NR3C2: variants seen among roughly 807,000 people sequenced by gnomAD.
The protein encoded by NR3C2 is mineralocorticoid receptor.
Under a neutral mutation model 86.4 loss-of-function variants are expected in NR3C2, and 15 were observed. The observed-to-expected ratio is 0.17, with a 90% CI of 0.12 to 0.27. The LOEUF is 0.27. Among genes scored for constraint, NR3C2 ranks in the 10% least tolerant of loss-of-function variants. The probability of loss-of-function intolerance (pLI) is 1.00; values close to 1 mark genes in which losing one functional copy is unlikely to be tolerated. For missense variants in NR3C2, 960 were observed against 1,195.6 expected (o/e 0.80, Z 2.91); for synonymous variants, 458 against 450.5 (o/e 1.02, Z -0.21).
chr4:148,386,121 T>G (rs1747251699), intron 2 of NR3C2, among the ~76,000 whole-genome samples: 1 of 151,926 alleles, frequency 6.6e-6, no homozygotes, highest in African/African-American at 2.4e-5. Context: ...AAATCCCTCC[T>G]CCTCCCAGCC....
At position 148,090,237 on chromosome 4, in the gene NR3C2, G is replaced by T. The variant is rs533039794; in HGVS notation, c.2800-8738C>A. Among the ~76,000 whole-genome samples, 4 of 152,342 alleles carry T rather than the reference G, an allele frequency of 2.6e-5. No individual in the cohort carries two copies. The South Asian group carries it at 8.3e-4, about 32-fold the overall frequency. ...TTTCTACTAAGCAGAAATACACACA[G>T]AAAGGCAGGTGCTGCTAGTGTGACG... On this transcript the variant is annotated intron_variant, in intron 8 of 8. Transcript: ENST00000358102.
chr4:148,222,038 A>C (rs1342440682), intron 3 of NR3C2, among the ~76,000 whole-genome samples: 1 of 152,138 alleles, frequency 6.6e-6, no homozygotes, highest in Non-Finnish European at 1.5e-5. Flanking sequence ...ATATGTAAAG[A>C]TCTTGTACCA....
intron 2 of NR3C2, among the ~76,000 whole-genome samples, chr4:148,385,452 T>C (rs72656885): frequency 0.022 from 3,422 of 152,338 alleles, 136 homozygotes; most frequent in African/African-American, 0.079. Flanking sequence ...TTATTCATTG[T>C]GACTCCTCTT....
At chr4:148,134,623 G>A (rs1281701852) in intron 6 of NR3C2, among the ~76,000 whole-genome samples, 3 of 126,686 alleles carry the variant, frequency 2.4e-5, no homozygotes, top group African/African-American at 8.6e-5. Context: ...AGCTCCCTGT[G>A]ATTCTCTCTC....
chr4:148,344,591 T>C (rs1476749506), intron 2 of NR3C2, among the ~76,000 whole-genome samples: 1 of 152,160 alleles, frequency 6.6e-6, no homozygotes, highest in Admixed American at 6.6e-5. Flanking sequence ...TAGCAGGAGC[T>C]GGAATACAGC....
At chr4:148,102,630 G>T (rs1731591145) in intron 8 of NR3C2, among the ~76,000 whole-genome samples, 1 of 151,974 alleles carries the variant, frequency 6.6e-6, no homozygotes. Context: ...CCCCAGCTTG[G>T]CTCTACCAGC....
chr4:148,243,942 A>C (rs377186175), intron 3 of NR3C2, among the ~76,000 whole-genome samples: 6 of 152,304 alleles, frequency 3.9e-5, no homozygotes, highest in African/African-American at 1.4e-4. Flanking sequence ...TGCAAGTGGT[A>C]CTATGTACAA....
intron 3 of NR3C2, 122 bp from the exon 4 acceptor site, chr4:148,194,984 A>G: frequency 2.6e-6 from 2 of 755,558 alleles, no homozygotes; most frequent in South Asian, 1.6e-5. Context: ...CAAAAAAGTA[A>G]AAGTACATGA....
At chr4:148,101,055 TGCAGG>T (rs1240856759) in intron 8 of NR3C2, among the ~76,000 whole-genome samples, 37 of 152,308 alleles carry the variant, frequency 2.4e-4, no homozygotes, top group African/African-American at 8.7e-4. Context: ...GTTTTAGTTT[TGCAGG>T]ACAAAGAGCT....
At chr4:148,275,170 C>T (rs1408587022) in intron 2 of NR3C2, among the ~76,000 whole-genome samples, 1 of 152,168 alleles carries the variant, frequency 6.6e-6, no homozygotes, top group African/African-American at 2.4e-5. Flanking sequence ...TTGCTTATGA[C>T]ACAGTTGCAA....
rs1452901410 is a variant in NR3C2, at chr4:148,141,527, T to C, written c.2510+10942A>G. 2.6e-5 allele frequency among the ~76,000 whole-genome samples: 4 copies of C among 152,256 alleles called. No individual in the cohort carries two copies. The East Asian group carries it at 5.8e-4, about 22-fold the overall frequency. The stretch of plus-strand genomic sequence containing the variant: ...GCATATTTTCTGTACTCTAGGTATT[T>C]ACAGTATATCTGGAGTAAAAAACAT... On this transcript the variant is annotated intron_variant, in intron 6 of 8. Coordinates refer to ENST00000358102, the MANE Select transcript of NR3C2 (RefSeq NM_000901.5).
intron 2 of NR3C2, among the ~76,000 whole-genome samples, chr4:148,338,052 G>T (rs568849557): frequency 2.0e-5 from 3 of 152,150 alleles, no homozygotes; most frequent in Non-Finnish European, 2.9e-5. Flanking sequence ...TAAATAAAAC[G>T]GGTCTCATTA....
At chr4:148,221,548 T>C (rs1046051470) in intron 3 of NR3C2, among the ~76,000 whole-genome samples, 1 of 152,226 alleles carries the variant, frequency 6.6e-6, no homozygotes, top group Non-Finnish European at 1.5e-5. Context: ...CTACTAACTA[T>C]AAGACTTAAA....
upstream of NR3C2, chr4:148,442,762 G>A (rs2126675713): frequency 1.0e-6 from 1 of 985,450 alleles, no homozygotes; most frequent in African/African-American, 1.7e-5. Flanking sequence ...GTGCCGGGCG[G>A]TGGCTACATC....
intron 8 of NR3C2, among the ~76,000 whole-genome samples, chr4:148,084,764 G>T (rs528611980): frequency 6.6e-6 from 1 of 152,132 alleles, no homozygotes; most frequent in Non-Finnish European, 1.5e-5. Context: ...GTATTCAGAA[G>T]ACCCATTTCA....
intron 2 of NR3C2, among the ~76,000 whole-genome samples, chr4:148,319,796 C>T (rs1275771818): frequency 6.7e-6 from 1 of 149,422 alleles, no homozygotes; most frequent in East Asian, 1.9e-4. Context: ...ATGGGTTTTT[C>T]TAGATATACA....
chr4:148,159,151 T>C (rs1037436165), intron 4 of NR3C2, among the ~76,000 whole-genome samples: 8 of 152,204 alleles, frequency 5.3e-5, no homozygotes, highest in Admixed American at 5.2e-4. Flanking sequence ...TAATGTCTTA[T>C]GTATCTCTAT....
intron 2 of NR3C2, among the ~76,000 whole-genome samples, chr4:148,423,739 G>A (rs1049603890): frequency 6.6e-6 from 1 of 152,188 alleles, no homozygotes; most frequent in Non-Finnish European, 1.5e-5. Context: ...CAGAGTCTCT[G>A]TCACCCAGGC....
At chr4:148,379,021 GCAAA>G (rs1363645403) in intron 2 of NR3C2, among the ~76,000 whole-genome samples, 2 of 152,072 alleles carry the variant, frequency 1.3e-5, no homozygotes, top group African/African-American at 4.8e-5. Flanking sequence ...AGAAGGAAGA[GCAAA>G]CAAAGCAAGT....
Sources: gnomAD v4.1 joint callset for allele counts (sites outside exome capture counted in the v4.1 genomes callset) on GRCh38, gnomAD v4.1.1 for gene constraint, MANE v1.5 for transcripts, NCBI Gene and HGNC (gene_info 2026-07-23, HGNC 2026-07-21) for gene names.